The following CEP170B variants were observed in gnomAD, a reference collection of about 807,000 sequenced individuals.
CEP170B encodes centrosomal protein 170B.
Under a neutral mutation model 120.6 loss-of-function variants are expected in CEP170B, and 55 were observed. That is an observed-to-expected ratio of 0.46 (90% CI 0.37 to 0.57). CEP170B has a LOEUF of 0.57. Ranked by LOEUF, CEP170B falls within the 20% of genes least tolerant of loss-of-function variation. The pLI is 0.00. For missense variants in CEP170B, 2,212 were observed against 2,253.3 expected (o/e 0.98, Z 0.37); for synonymous variants, 1,033 against 954.5 (o/e 1.08, Z -1.52).
At chr14:104,881,476 G>C (rs1364658471) in intron 6 of CEP170B, among the ~76,000 whole-genome samples, 1 of 152,330 alleles carries the variant, frequency 6.6e-6, no homozygotes, top group East Asian at 1.9e-4. Flanking sequence ...CGCAGCTGCC[G>C]GTGTCTGGTT....
Position 104,885,490 on chromosome 14 carries a change from T to C in CEP170B, c.1892T>C (p.Leu631Pro), listed in dbSNP as rs777689043. ...GGCGTGGCCCAGCGGATGGCGCTAC[T>C]GCAGGAGTTTGCCTCCCGGCCACTG... ...DGGVAQRMALLQEFASRPLGA... is the reference protein window; with the variant it reads ...DGGVAQRMALPQEFASRPLGA... The change falls in exon 10 of 19, where the codon CTG becomes CCG. Residue 631 changes from leucine (L) to proline (P), a missense_variant. By Grantham distance (98) the Leu-to-Pro change is moderately conservative (BLOSUM62 -3). This residue lies in a region of CEP170B where 2,166 missense variants were observed against 2,166.7 expected (regional missense o/e 1.00). Transcript: ENST00000414716. 2.4e-5 allele frequency: 37 copies of C among 1,565,832 alleles called. No homozygotes were observed. The highest frequency in any genetic ancestry group is 7.0e-5 in the South Asian group (6 of 85,224).
intron 16 of CEP170B, 42 bp downstream of exon 16, chr14:104,893,891 C>T (rs559364155): frequency 2.6e-6 from 4 of 1,554,002 alleles, no homozygotes; most frequent in South Asian, 2.3e-5. Flanking sequence ...CAGACACCAG[C>T]ACAGCTGCAT....
chr14:104,893,074 A>G lies in CEP170B; in HGVS notation c.3977A>G (p.His1326Arg), dbSNP rs913373113. 5 of 1,605,396 alleles carry G rather than the reference A, an allele frequency of 3.1e-6. No individual in the cohort carries two copies. In the African/African-American group the frequency reaches 6.7e-5, roughly 21 times the overall value. The change falls in exon 14 of 19, where the codon CAC (histidine) becomes CGC (arginine). Residue 1326 changes from histidine to arginine, a missense_variant. Physicochemically the swap from His to Arg is conservative, Grantham distance 29. This residue lies in a region of CEP170B where 2,166 missense variants were observed against 2,166.7 expected (regional missense o/e 1.00). Coordinates refer to ENST00000414716, the MANE Select transcript of CEP170B (RefSeq NM_001112726.3). ...GDTLGSSEPAHSASLSNMPST... is the reference protein window; with the variant it reads ...GDTLGSSEPARSASLSNMPST... ...ACACTGGGCTCCTCGGAGCCTGCCC[A>G]CAGCGCCTCCCTCAGCAACATGCCC... is the stretch of plus-strand genomic sequence containing the variant.
chr14:104,889,440 G>C (rs1410281004), intron 12 of CEP170B, 180 bp from the exon 13 acceptor site: 13 of 1,449,250 alleles, frequency 9.0e-6, no homozygotes, highest in Non-Finnish European at 1.1e-5. Flanking sequence ...CTCCCAGAGG[G>C]ACCCTGGGAC....
intron 5 of CEP170B, 66 bp from the exon 6 acceptor site, chr14:104,880,221 G>A: frequency 6.5e-7 from 1 of 1,543,146 alleles, no homozygotes; most frequent in Non-Finnish European, 8.8e-7. Context: ...GGAGAGGCTG[G>A]GCCCACCCTG....
chr14:104,894,190 C>A, intron 16 of CEP170B, 95 bp from the exon 17 acceptor site: 1 of 1,031,064 alleles, frequency 9.7e-7, no homozygotes, highest in Non-Finnish European at 1.5e-6. Context: ...CTGGGATGAA[C>A]TTCACCATGG....
chr14:104,884,001 T>A lies in CEP170B; in HGVS notation c.1222T>A (p.Phe408Ile), dbSNP rs1302067537. 1 of 1,610,772 alleles carries A rather than the reference T, an allele frequency of 6.2e-7. No homozygotes were observed. The highest frequency in any genetic ancestry group is 8.5e-7 in the Non-Finnish European group (1 of 1,178,916). Residue 408 changes from phenylalanine (F) to isoleucine (I), a missense_variant, in exon 9 of 19, where the codon TTC (phenylalanine) becomes ATC (isoleucine). Phe to Ile is a conservative substitution (Grantham distance 21). Transcript: ENST00000414716. ...TAACCAGCAGGCCTTTGTCATCGAG[T>A]TCTTCGACGAGGACACACCCCGAAA... Reference protein sequence around the residue: ...LHNQQAFVIEFFDEDTPRKKR... With the variant: ...LHNQQAFVIEIFDEDTPRKKR...
Position 104,880,369 on chromosome 14 carries a change from C to T in CEP170B, c.416C>T (p.Pro139Leu). The change falls in exon 6 of 19, where the codon CCA becomes CTA. Residue 139 changes from proline to leucine, a missense_variant. Coordinates refer to ENST00000414716, the MANE Select transcript of CEP170B (RefSeq NM_001112726.3). The part of the protein sequence containing the change: ...KRSEALPEHT[P>L]YCEASNPRPE... ...AGCGAGGCACTGCCGGAACACACAC[C>T]ATACTGCGAGGCCTCGAACCCCAGG... The T allele has an allele frequency of 6.2e-7, 1 of 1,612,650 alleles. No homozygotes were observed. Among genetic ancestry groups the T allele is most frequent in the Non-Finnish European group, 8.5e-7 (1 of 1,179,670 alleles).
In CEP170B at chr14:104,884,352, G is replaced by A; in HGVS notation, c.1573G>A (p.Val525Met). 2 of 1,545,368 alleles carry A rather than the reference G, an allele frequency of 1.3e-6. No individual in the cohort carries two copies. The highest frequency in any genetic ancestry group is 8.7e-7 in the Non-Finnish European group (1 of 1,145,600). Residue 525 changes from valine to methionine, a missense_variant, in exon 9 of 19, where the codon GTG (valine) becomes ATG (methionine). By Grantham distance (21) the Val-to-Met change is conservative (BLOSUM62 1). Coordinates refer to ENST00000414716, the MANE Select transcript of CEP170B (RefSeq NM_001112726.3). ...ARPSPEKVPP[V>M]LPAPLTPHGT... Reference sequence around the variant, plus strand: ...GCCCAGCCCCGAGAAGGTTCCTCCGGTGCTGCCCGCTCCCCTGACACCCCA... The same window carrying A: ...GCCCAGCCCCGAGAAGGTTCCTCCGATGCTGCCCGCTCCCCTGACACCCCA...
intron 8 of CEP170B, 130 bp downstream of exon 8, chr14:104,883,638 C>T: frequency 8.8e-7 from 1 of 1,138,410 alleles, no homozygotes; most frequent in East Asian, 2.6e-5. Flanking sequence ...AGTTAATTGC[C>T]TAAGAGCCAC....
At chr14:104,889,406 C>T (rs1595354601) in intron 12 of CEP170B, 2 of 1,284,308 alleles carry the variant, frequency 1.6e-6, no homozygotes, top group Non-Finnish European at 2.1e-6. Context: ...CTCGACGCTG[C>T]CCAGCCCTGC....
intron 13 of CEP170B, among the ~76,000 whole-genome samples, chr14:104,890,336 G>A (rs1165766473): frequency 7.6e-6 from 1 of 132,282 alleles, no homozygotes; most frequent in Admixed American, 7.5e-5. Flanking sequence ...ATGGATGGAT[G>A]GATGAGTGTG....
rs527475121 is a variant in CEP170B at position 104,881,658 on chromosome 14, G to C, written c.473-1070G>C. On this transcript the variant is annotated intron_variant, in intron 6 of 18. Transcript: ENST00000414716. The stretch of plus-strand genomic sequence containing the variant: ...CATGACAGGTGCAGCCAGCTGGGCA[G>C]CCTGGCTCCTTGGCTCCGTTAGAGC... Among the ~76,000 whole-genome samples the C allele has an allele frequency of 2.6e-5, 4 of 152,344 alleles. No homozygotes were observed. In the East Asian group the frequency reaches 7.7e-4, roughly 29 times the overall value.
At chr14:104,872,174 TGC>T (rs1895528918) in intron 2 of CEP170B, among the ~76,000 whole-genome samples, 2 of 143,936 alleles carry the variant, frequency 1.4e-5, no homozygotes, top group Non-Finnish European at 3.0e-5. Context: ...CGCGTGTGTG[TGC>T]GTGTGTGTGC....
intron 2 of CEP170B, among the ~76,000 whole-genome samples, chr14:104,875,857 G>C (rs1020350829): frequency 6.6e-6 from 1 of 152,210 alleles, no homozygotes; most frequent in African/African-American, 2.4e-5. Context: ...CTGGCTGAGA[G>C]TTGTGTGTGT....
rs537676367 is a variant in CEP170B, at chr14:104,870,177, G to A, written c.105+1622G>A. On this transcript the variant is annotated intron_variant, in intron 2 of 18. Transcript: ENST00000414716. The surrounding 1 kb of genome is among the most constrained non-coding windows in gnomAD (Gnocchi z 4.1). ...TCCACTGCAGCCCAGGCCTGTGGCC[G>A]TGGTGAGGGGCAGCCAGGGAGCGAG... is the stretch of plus-strand genomic sequence containing the variant. 6.6e-6 allele frequency among the ~76,000 whole-genome samples: 1 copy of A among 152,340 alleles called. No individual in the cohort carries two copies. The highest frequency in any genetic ancestry group is 1.9e-4 in the East Asian group (1 of 5,182).
At chr14:104,873,087 G>A (rs1405700230) in intron 2 of CEP170B, among the ~76,000 whole-genome samples, 1 of 152,100 alleles carries the variant, frequency 6.6e-6, no homozygotes, top group African/African-American at 2.4e-5. Context: ...GTTGGAGAGG[G>A]GAGTTTCTGG....
chr14:104,880,209 G>C, intron 5 of CEP170B, 78 bp from the exon 6 acceptor site: 1 of 1,530,010 alleles, frequency 6.5e-7, no homozygotes, highest in Non-Finnish European at 8.8e-7. Context: ...TCTGGATGGA[G>C]AGGAGAGGCT....
At position 104,878,485 on chromosome 14, in the gene CEP170B, C is replaced by T. The variant is rs1369932263; in HGVS notation, c.317C>T (p.Pro106Leu). Residue 106 changes from proline (P) to leucine (L), a missense_variant, in exon 5 of 19, where the codon CCG becomes CTG. By Grantham distance (98) the Pro-to-Leu change is moderately conservative. This residue lies in a region of CEP170B where 2,166 missense variants were observed against 2,166.7 expected (regional missense o/e 1.00). Transcript: ENST00000414716. ...CTGGAGCGTGTGCAGCACCGAGTCC[C>T]GGAGGAGGCACTCAAGGTTAGTGCT... ...YVLERVQHRV[P>L]EEALKHEKYT... 8 of 1,611,786 alleles carry T rather than the reference C, an allele frequency of 5.0e-6. No individual in the cohort carries two copies. Among genetic ancestry groups the T allele is most frequent in the African/African-American group, 1.3e-5 (1 of 75,062 alleles).
Sources: gnomAD v4.1 joint callset for allele counts (sites outside exome capture counted in the v4.1 genomes callset) on GRCh38, gnomAD v4.1.1 for gene constraint, gnomAD v4.1.1 regional missense constraint, Gnocchi (gnomAD v3.1) non-coding constraint, MANE v1.5 for transcripts, NCBI Gene and HGNC (gene_info 2026-07-23, HGNC 2026-07-21) for gene names.